KNDC1: variants seen among roughly 807,000 people sequenced by gnomAD.
KNDC1 encodes the protein kinase non-catalytic C-lobe domain containing 1.
KNDC1 carries 106 observed loss-of-function variants against 172.8 expected under a neutral mutation model. The observed-to-expected ratio is 0.61, with a 90% CI of 0.52 to 0.72. The LOEUF (loss-of-function observed/expected upper bound fraction) is 0.72. KNDC1 is among the 30% of genes least tolerant of loss of function. The pLI is 0.00. For synonymous variants in KNDC1, 1,083 were observed against 1,062.2 expected (o/e 1.02, Z -0.38); for missense variants, 2,325 against 2,394.5 (o/e 0.97, Z 0.61).
rs375467463 is a variant in KNDC1, at chr10:133,171,725, G to A, written c.360+3413G>A. 3.9e-4 allele frequency among the ~76,000 whole-genome samples: 59 copies of A among 152,130 alleles called. No individual in the cohort carries two copies. The East Asian group carries it at 9.7e-3, about 25-fold the overall frequency. ...TTCTGAGTTCAAGCAATCCTCCCAC[G>A]TCAGCTTCCTAAGTAGCTGAGACTG... is the stretch of plus-strand genomic sequence containing the variant. On this transcript the variant is annotated intron_variant, in intron 3 of 29. Coordinates refer to ENST00000304613, the MANE Select transcript of KNDC1 (RefSeq NM_152643.8).
intron 9 of KNDC1, among the ~76,000 whole-genome samples, chr10:133,194,449 C>A (rs2135989269): frequency 6.6e-6 from 1 of 152,324 alleles, no homozygotes; most frequent in African/African-American, 2.4e-5. Context: ...CAGTATTTTG[C>A]AAGCTGCTAC....
In KNDC1 at chr10:133,198,913, T is replaced by A. The variant is rs780204765; in HGVS notation, c.2405T>A (p.Ile802Asn). 1 of 1,583,078 alleles carries A rather than the reference T, an allele frequency of 6.3e-7. No homozygotes were observed. The highest frequency in any genetic ancestry group is 1.3e-5 in the African/African-American group (1 of 74,472). Residue 802 changes from isoleucine (I) to asparagine (N), a missense_variant, in exon 14 of 30, where the codon ATC becomes AAC. Transcript: ENST00000304613. The stretch of plus-strand genomic sequence containing the variant: ...GTAGAGCAAGGGCCGGCTGAGCCGA[T>A]CCCACCTGGAGTTGCTTCCGGGGGC... The part of the protein sequence containing the change: ...LPVEQGPAEP[I>N]PPGVASGGLR...
intron 5 of KNDC1, among the ~76,000 whole-genome samples, chr10:133,184,380 TGCTGCGCACACACAC>T (rs1853828344): frequency 6.8e-6 from 1 of 147,274 alleles, no homozygotes; most frequent in Admixed American, 6.9e-5. Context: ...CACACACACA[TGCTGCGCACACACAC>T]GCACACACGC....
chr10:133,193,213 C>CA (rs1854106546), intron 9 of KNDC1, among the ~76,000 whole-genome samples: 1 of 152,142 alleles, frequency 6.6e-6, no homozygotes, highest in South Asian at 2.1e-4. Flanking sequence ...CTATTTCCAG[C>CA]AAAAATATCC....
At chr10:133,198,023 A>C (rs915376853) in intron 12 of KNDC1, among the ~76,000 whole-genome samples, 3 of 151,632 alleles carry the variant, frequency 2.0e-5, no homozygotes, top group African/African-American at 7.3e-5. Context: ...TCCCAAGCCC[A>C]CATCTGGAGA....
At chr10:133,161,015 C>G (rs1310620075) in intron 1 of KNDC1, among the ~76,000 whole-genome samples, 1 of 152,042 alleles carries the variant, frequency 6.6e-6, no homozygotes, top group Non-Finnish European at 1.5e-5. Context: ...TGACTGCCCC[C>G]CGAGACTGAG....
chr10:133,166,037 C>T (rs1469721970), intron 1 of KNDC1, among the ~76,000 whole-genome samples: 5 of 152,236 alleles, frequency 3.3e-5, no homozygotes, highest in East Asian at 3.9e-4. Flanking sequence ...GCCCTGATCC[C>T]GTCGTTTGTT....
chr10:133,184,569 C>T (rs554583214), intron 5 of KNDC1, among the ~76,000 whole-genome samples: 10 of 152,388 alleles, frequency 6.6e-5, no homozygotes, highest in African/African-American at 1.2e-4. Context: ...ACACTGCACA[C>T]GCCCACACCA....
chr10:133,224,577 A>T lies in KNDC1; in HGVS notation c.5019-82A>T. The T allele has an allele frequency of 1.1e-6, 1 of 948,950 alleles. No homozygotes were observed. The highest frequency in any genetic ancestry group is 1.6e-6 in the Non-Finnish European group (1 of 620,086). The allele number at this position is 948,950 out of a possible 1,614,324, so 58.8% of individuals were successfully genotyped here. A position where few individuals can be genotyped will look rare whatever the true frequency, so the allele number is the denominator to read the frequency against. On this transcript the variant is annotated intron_variant, in intron 29 of 29. Transcript: ENST00000304613. The surrounding 1 kb of genome is among the most constrained non-coding windows in gnomAD (Gnocchi z 5.4). ...AAAAGATTTAGTCCAAATGATTCCT[A>T]AGAACGCGGGGGGACTCCCTCCCCA...
chr10:133,170,745 A>G (rs1853351302), intron 3 of KNDC1, among the ~76,000 whole-genome samples: 1 of 152,226 alleles, frequency 6.6e-6, no homozygotes, highest in Admixed American at 6.5e-5. Flanking sequence ...CATATTTGTA[A>G]ATCTTTCACG....
At chr10:133,210,811 A>T in intron 21 of KNDC1, 87 bp downstream of exon 21, 2 of 1,121,052 alleles carry the variant, frequency 1.8e-6, no homozygotes, top group East Asian at 2.3e-5. Context: ...CACCATGAAG[A>T]ACGAGGTGGT....
rs1362040783 is a variant in KNDC1, at chr10:133,189,800, T to C, written c.1562T>C (p.Leu521Pro). 6.2e-7 allele frequency: 1 copy of C among 1,613,670 alleles called. No homozygotes were observed. Among genetic ancestry groups the C allele is most frequent in the Non-Finnish European group, 8.5e-7 (1 of 1,179,948 alleles). The change falls in exon 9 of 30, where the codon CTG becomes CCG. Residue 521 changes from leucine to proline, a missense_variant. Leu to Pro is a moderately conservative substitution (Grantham distance 98). Coordinates refer to ENST00000304613, the MANE Select transcript of KNDC1 (RefSeq NM_152643.8). ...FLAPELAEERLVTEKASVYCV... is the reference protein window; with the variant it reads ...FLAPELAEERPVTEKASVYCV... ...GCTCCCGAGCTGGCAGAGGAGAGGC[T>C]GGTAACTGAAAAGGTACCCGGGCCC... is the stretch of plus-strand genomic sequence containing the variant.
chr10:133,160,431 C>T lies in KNDC1; in HGVS notation c.-37C>T. 7.1e-7 allele frequency: 1 copy of T among 1,400,444 alleles called. No individual in the cohort carries two copies. The highest frequency in any genetic ancestry group is 9.5e-7 in the Non-Finnish European group (1 of 1,053,852). The allele number at this position is 1,400,444 out of a possible 1,614,324, so 86.8% of individuals were successfully genotyped here. A position where few individuals can be genotyped will look rare whatever the true frequency, so the allele number is the denominator to read the frequency against. On this transcript the variant is annotated 5_prime_UTR_variant, in exon 1 of 30. Transcript: ENST00000304613. Reference sequence around the variant, plus strand: ...GTAGCCGAGCCCAGCCCAGCCCAGCCGGAGGCCCCGGGGGCGGTGCGCGGC... The same window carrying T: ...GTAGCCGAGCCCAGCCCAGCCCAGCTGGAGGCCCCGGGGGCGGTGCGCGGC...
At chr10:133,210,410 G>A (rs185398170) in intron 20 of KNDC1, among the ~76,000 whole-genome samples, 99 of 149,822 alleles carry the variant, frequency 6.6e-4, no homozygotes, top group African/African-American at 2.1e-3. Flanking sequence ...CTGGAAGGCT[G>A]GAAGTAGTTG....
rs755705832 is a variant in KNDC1, at chr10:133,186,171, C to A, written c.823C>A (p.Arg275=). The A allele has an allele frequency of 2.2e-5, 34 of 1,579,272 alleles. 1 individual carries two copies. In the Middle Eastern group the frequency reaches 1.7e-3, roughly 79 times the overall value. ...GGTGAGAAATGGCGAGAGCCACAGC[C>A]GGGAGGGGCTGGCCGGCCTCGTCCT... The part of the protein sequence containing the change: ...TPVRNGESHS[R]EGLAGLVLDA... The change falls in exon 6 of 30, where the codon CGG becomes AGG. Residue 275 remains arginine, a synonymous_variant. Transcript: ENST00000304613.
At chr10:133,211,991 A>G in intron 23 of KNDC1, 133 bp downstream of exon 23, 1 of 816,534 alleles carries the variant, frequency 1.2e-6, no homozygotes, top group Non-Finnish European at 1.9e-6. Context: ...ATACATGCAT[A>G]CACATAGACG....
chr10:133,187,350 C>G (rs929664316), intron 6 of KNDC1, among the ~76,000 whole-genome samples: 1 of 152,266 alleles, frequency 6.6e-6, no homozygotes, highest in African/African-American at 2.4e-5. Flanking sequence ...CAGCCGAAGA[C>G]GCTTGGGCCA....
At chr10:133,180,459 C>T (rs1028638585) in intron 3 of KNDC1, among the ~76,000 whole-genome samples, 1 of 152,256 alleles carries the variant, frequency 6.6e-6, no homozygotes, top group African/African-American at 2.4e-5. Flanking sequence ...CCTTATGGTG[C>T]CAGCCGGAGG....
intron 3 of KNDC1, among the ~76,000 whole-genome samples, chr10:133,172,055 C>T (rs949511789): frequency 2.0e-5 from 3 of 152,206 alleles, no homozygotes; most frequent in East Asian, 1.9e-4. Context: ...TGGTTCCTCC[C>T]ATCCGATGGT....
Sources: allele counts gnomAD v4.1 joint callset (sites outside exome capture counted in the v4.1 genomes callset), GRCh38; gene constraint gnomAD v4.1.1; non-coding constraint Gnocchi (gnomAD v3.1); transcripts MANE v1.5; gene names NCBI Gene and HGNC (gene_info 2026-07-23, HGNC 2026-07-21).